The following CLVS1 variants were observed in gnomAD, a reference collection of about 807,000 sequenced individuals.
The protein encoded by CLVS1 is clavesin-1.
In CLVS1, 10 loss-of-function variants were observed where a neutral mutation model predicts 33.1. The observed-to-expected ratio is 0.30, with a 90% CI of 0.19 to 0.51. The LOEUF (loss-of-function observed/expected upper bound fraction) is 0.51, where lower values mean the gene tolerates loss of function less well. CLVS1 is among the 20% of genes least tolerant of loss of function. The pLI is 0.97. For missense variants in CLVS1, 343 were observed against 433.4 expected (o/e 0.79, Z 1.85); for synonymous variants, 163 against 166.1 (o/e 0.98, Z 0.14).
chr8:61,208,013 G>T (rs1206093820), intron 2 of CLVS1, among the ~76,000 whole-genome samples: 1 of 152,144 alleles, frequency 6.6e-6, no homozygotes, highest in African/African-American at 2.4e-5. Flanking sequence ...GCAAATGGTG[G>T]GCTTAGCGGC....
intron 3 of CLVS1, among the ~76,000 whole-genome samples, chr8:61,422,319 T>C (rs756712948): frequency 6.6e-6 from 1 of 152,214 alleles, no homozygotes; most frequent in Non-Finnish European, 1.5e-5. Flanking sequence ...TACCAAGTCC[T>C]CTCTAGTTCC....
At chr8:61,291,323 G>A (rs1452686008) in intron 1 of CLVS1, among the ~76,000 whole-genome samples, 1 of 152,158 alleles carries the variant, frequency 6.6e-6, no homozygotes, top group Admixed American at 6.6e-5. Flanking sequence ...CTCCACATGT[G>A]TTTGAGATGA....
chr8:61,253,872 T>G (rs1482134952), intron 2 of CLVS1, among the ~76,000 whole-genome samples: 1 of 152,170 alleles, frequency 6.6e-6, no homozygotes, highest in Non-Finnish European at 1.5e-5. Flanking sequence ...CGAACTTCCT[T>G]CTTTAGCTCG....
intron 2 of CLVS1, among the ~76,000 whole-genome samples, chr8:61,233,035 T>C (rs1335318795): frequency 6.6e-6 from 1 of 152,208 alleles, no homozygotes; most frequent in Non-Finnish European, 1.5e-5. Context: ...AAGATAGTAA[T>C]TGTGTTAACA....
At position 61,376,605 on chromosome 8, in the gene CLVS1, G is replaced by A. The variant is rs754924912; in HGVS notation, c.456G>A (p.Arg152=). ...GCTCTCCTTTCTGCTCTGGCTGCAG[G>A]AACTCCTTCACAGACATCCTTCGTG... ...LLFAANWDQS[R]NSFTDILRAI... The change falls in exon 3 of 6, where the codon AGG becomes AGA. Residue 152 remains arginine (R), a splice_region_variant and synonymous_variant. Coordinates refer to ENST00000325897, the MANE Select transcript of CLVS1 (RefSeq NM_173519.3). 1 of 1,613,160 alleles carries A rather than the reference G, an allele frequency of 6.2e-7. No individual in the cohort carries two copies. Among genetic ancestry groups the A allele is most frequent in the South Asian group, 1.1e-5 (1 of 90,996 alleles).
At chr8:61,379,021 T>C (rs908930011) in intron 3 of CLVS1, among the ~76,000 whole-genome samples, 1 of 152,058 alleles carries the variant, frequency 6.6e-6, no homozygotes, top group African/African-American at 2.4e-5. Context: ...CAGACTTTAA[T>C]AGGGAAAGGA....
intron 2 of CLVS1, among the ~76,000 whole-genome samples, chr8:61,350,502 T>A (rs1812410292): frequency 6.6e-6 from 1 of 152,138 alleles, no homozygotes; most frequent in Admixed American, 6.6e-5. Flanking sequence ...CAATAAACCA[T>A]TAGGAGATTT....
chr8:61,361,129 G>GACACC (rs1812958805), intron 2 of CLVS1, among the ~76,000 whole-genome samples: 1 of 152,082 alleles, frequency 6.6e-6, no homozygotes, highest in Admixed American at 6.6e-5. Flanking sequence ...TTATCACCAG[G>GACACC]ACACCACCAA....
At chr8:61,398,355 T>A (rs1370558246) in intron 3 of CLVS1, among the ~76,000 whole-genome samples, 1 of 151,892 alleles carries the variant, frequency 6.6e-6, no homozygotes, top group Non-Finnish European at 1.5e-5. Flanking sequence ...TAAATTTTTG[T>A]GTTTTTGGTA....
intron 2 of CLVS1, among the ~76,000 whole-genome samples, chr8:61,157,543 A>C (rs1806674514): frequency 6.6e-6 from 1 of 152,180 alleles, no homozygotes; most frequent in South Asian, 2.1e-4. Context: ...AAAAGAGCGA[A>C]CATTAATTGT....
chr8:61,093,531 T>C (rs2129284994), intron 1 of CLVS1, among the ~76,000 whole-genome samples: 1 of 152,344 alleles, frequency 6.6e-6, no homozygotes, highest in South Asian at 2.1e-4. Context: ...TGCAGAAATT[T>C]ACAGCAAATG....
chr8:61,168,549 G>A (rs1245109802), intron 2 of CLVS1, among the ~76,000 whole-genome samples: 2 of 152,128 alleles, frequency 1.3e-5, no homozygotes, highest in Non-Finnish European at 2.9e-5. Flanking sequence ...CTAGTTCATT[G>A]TTTTTGAGAT....
intron 3 of CLVS1, chr8:61,377,725 C>A (rs1419054941): frequency 6.6e-6 from 1 of 152,134 alleles, no homozygotes; most frequent in African/African-American, 2.4e-5. Flanking sequence ...CCTATTTGGC[C>A]CCCAGCAAAT....
chr8:61,381,331 C>T (rs986147476), intron 3 of CLVS1, among the ~76,000 whole-genome samples: 13 of 152,166 alleles, frequency 8.5e-5, no homozygotes, highest in African/African-American at 2.2e-4. Context: ...TAGGATGGAA[C>T]ATGGAGCAAT....
chr8:61,036,458 C>T, the CLVS1 span, among the ~76,000 whole-genome samples: 27 of 152,156 alleles, frequency 1.8e-4, no homozygotes, highest in Admixed American at 3.9e-4. Context: ...TGAGGAAGAT[C>T]GGAGGCCCAC....
At chr8:61,061,645 C>T (rs1940920386) in intron 1 of CLVS1, among the ~76,000 whole-genome samples, 1 of 151,972 alleles carries the variant, frequency 6.6e-6, no homozygotes, top group Non-Finnish European at 1.5e-5. Flanking sequence ...CTTGAATATG[C>T]CCTGATTCGC....
intron 2 of CLVS1, among the ~76,000 whole-genome samples, chr8:61,140,331 GT>G (rs1357936377): frequency 1.3e-5 from 2 of 152,144 alleles, no homozygotes; most frequent in Non-Finnish European, 1.5e-5. Context: ...TGGTCTTGGT[GT>G]AAATGAAAGC....
At chr8:61,268,085 A>G (rs2129592544) in intron 2 of CLVS1, among the ~76,000 whole-genome samples, 1 of 152,096 alleles carries the variant, frequency 6.6e-6, no homozygotes, top group East Asian at 1.9e-4. Flanking sequence ...TTACATATGT[A>G]TACATGTGCC....
chr8:61,385,226 A>G (rs1354875734), intron 3 of CLVS1, among the ~76,000 whole-genome samples: 1 of 152,208 alleles, frequency 6.6e-6, no homozygotes, highest in African/African-American at 2.4e-5. Flanking sequence ...GGCCTCTGTG[A>G]ATTGTTTAGT....
Sources: allele counts gnomAD v4.1 joint callset (sites outside exome capture counted in the v4.1 genomes callset), GRCh38; gene constraint gnomAD v4.1.1; transcripts MANE v1.5; gene names NCBI Gene and HGNC (gene_info 2026-07-23, HGNC 2026-07-21).